The following CDK12 variants were observed in gnomAD, a reference collection of about 807,000 sequenced individuals.
CDK12 encodes the protein cyclin dependent kinase 12, also known as cyclin-dependent kinase 12.
CDK12 carries 17 observed loss-of-function variants against 133.8 expected under a neutral mutation model. The ratio of observed to expected loss-of-function variants is 0.13; its 90% CI spans 0.09 to 0.19. The LOEUF (loss-of-function observed/expected upper bound fraction) is 0.19. Ranked by LOEUF, CDK12 falls within the 10% of genes least tolerant of loss-of-function variation. CDK12 has a pLI of 1.00. For synonymous variants in CDK12, 694 were observed against 683.6 expected (o/e 1.02, Z -0.24); for missense variants, 1,508 against 1,818.7 (o/e 0.83, Z 3.11).
chr17:39,542,249 C>T (rs1018571361), intron 1 of CDK12, among the ~76,000 whole-genome samples: 8 of 151,606 alleles, frequency 5.3e-5, no homozygotes, highest in Non-Finnish European at 1.0e-4. Context: ...TGCAATGGCG[C>T]GATCTCGGCT....
intron 1 of CDK12, among the ~76,000 whole-genome samples, chr17:39,470,670 C>T (rs953573288): frequency 1.3e-5 from 2 of 152,136 alleles, no homozygotes; most frequent in African/African-American, 4.8e-5. Context: ...GTTCCAGGAT[C>T]TTACTCATTA....
At chr17:39,542,466 C>T (rs527365415) in intron 1 of CDK12, among the ~76,000 whole-genome samples, 152 of 152,138 alleles carry the variant, frequency 1.0e-3, no homozygotes, top group African/African-American at 3.6e-3. Context: ...GCTGGGATTA[C>T]AGGCGTGAGC....
intron 6 of CDK12, among the ~76,000 whole-genome samples, chr17:39,502,366 G>T (rs567703913): frequency 6.6e-6 from 1 of 151,600 alleles, no homozygotes; most frequent in South Asian, 2.1e-4. Context: ...TGTTAGCCAG[G>T]ATGGTCTCTA....
At chr17:39,503,004 AGGAG>A (rs2052833791) in intron 6 of CDK12, among the ~76,000 whole-genome samples, 1 of 152,186 alleles carries the variant, frequency 6.6e-6, no homozygotes, top group Non-Finnish European at 1.5e-5. Flanking sequence ...ACTTGAACCC[AGGAG>A]GTAGAGGTTA....
chr17:39,538,937 A>G (rs1363079708), downstream of CDK12, among the ~76,000 whole-genome samples: 1 of 152,042 alleles, frequency 6.6e-6, no homozygotes, highest in South Asian at 2.1e-4. Flanking sequence ...ACATACATAC[A>G]TACATACATA....
At chr17:39,538,308 C>A (rs1360747215), downstream of CDK12, among the ~76,000 whole-genome samples, 1 of 152,170 alleles carries the variant, frequency 6.6e-6, no homozygotes, top group Non-Finnish European at 1.5e-5. Flanking sequence ...ATTCCTCTGC[C>A]ACTCATTTTA....
chr17:39,553,210 C>T (rs2056024035), intron 2 of CDK12, among the ~76,000 whole-genome samples: 1 of 152,126 alleles, frequency 6.6e-6, no homozygotes, highest in Non-Finnish European at 1.5e-5. Flanking sequence ...CCTCCTTCTC[C>T]CCTAAATTTT....
intron 2 of CDK12, among the ~76,000 whole-genome samples, chr17:39,485,408 CTTTTTTTT>C (rs35318849): frequency 0.017 from 1,181 of 69,914 alleles, 26 homozygotes; most frequent in African/African-American, 0.058. Flanking sequence ...CATCCCCCCC[CTTTTTTTT>C]TTTTTTTTTT....
At chr17:39,466,953 A>G (rs1346193188) in intron 1 of CDK12, among the ~76,000 whole-genome samples, 2 of 151,946 alleles carry the variant, frequency 1.3e-5, no homozygotes, top group African/African-American at 2.4e-5. Context: ...AGTCAAAATG[A>G]AATAAGCAAC....
At chr17:39,559,355 A>G (rs1307812294) in intron 3 of CDK12, among the ~76,000 whole-genome samples, 14 of 152,182 alleles carry the variant, frequency 9.2e-5, no homozygotes, top group Non-Finnish European at 1.8e-4. Flanking sequence ...TCTCATATGT[A>G]TATATATTAA....
In CDK12 at chr17:39,476,711, C is replaced by CATTTTTTTTTTTTTTTTTTTTTTTT. The variant is rs1555553398; in HGVS notation, c.1931+4948_1931+4949insATTTTTTTTTTTTTTTTTTTTTTTT. ...TACAGGCATGAGCCACCATGCCTGC[C>CATTTTTTTTTTTTTTTTTTTTTTTT]TTTTTTTTTTTTTTTTTTTTTTTTT... On this transcript the variant is annotated intron_variant, in intron 2 of 13. Transcript: ENST00000447079. Among the ~76,000 whole-genome samples the CATTTTTTTTTTTTTTTTTTTTTTTT allele has an allele frequency of 2.5e-4, 21 of 84,520 alleles. 7 individuals carry two copies. The highest frequency in any genetic ancestry group is 6.5e-4 in the Admixed American group (4 of 6,116). The allele number at this position is 84,520 out of a possible 152,430, so 55.4% of individuals were successfully genotyped here.
intron 3 of CDK12, among the ~76,000 whole-genome samples, chr17:39,557,721 T>C (rs2056213108): frequency 6.6e-6 from 1 of 152,220 alleles, no homozygotes; most frequent in Non-Finnish European, 1.5e-5. Flanking sequence ...GCACAGTTAC[T>C]TTTCCAGGCC....
chr17:39,522,197 C>T (rs1245709284), intron 11 of CDK12, among the ~76,000 whole-genome samples: 1 of 151,952 alleles, frequency 6.6e-6, no homozygotes, highest in Admixed American at 6.6e-5. Flanking sequence ...ACAAGCGTTT[C>T]CTGCCTCAGC....
intron 1 of CDK12, among the ~76,000 whole-genome samples, chr17:39,469,846 AG>A (rs1252047887): frequency 2.0e-5 from 3 of 151,978 alleles, no homozygotes; most frequent in Non-Finnish European, 4.4e-5. Flanking sequence ...CATGTTGGTC[AG>A]GCTAGTCTCG....
chr17:39,464,179 A>G (rs558577525), intron 1 of CDK12, among the ~76,000 whole-genome samples: 1 of 152,074 alleles, frequency 6.6e-6, no homozygotes, highest in African/African-American at 2.4e-5. Context: ...GATGTTGAAC[A>G]CTGGTAGAGA....
rs953878765 is a variant in CDK12 at position 39,531,868 on chromosome 17, C to T, written c.*552C>T. ...GCTGATTTGAATAAATGTTTCTTTC[C>T]TCTCCACCATCTCACATTTTGCTTT... On this transcript the variant is annotated 3_prime_UTR_variant, in exon 14 of 14. Transcript: ENST00000447079. The T allele has an allele frequency of 4.3e-6, 1 of 233,800 alleles. No homozygotes were observed. The highest frequency in any genetic ancestry group is 2.2e-5 in the African/African-American group (1 of 45,304). 14.5% of individuals were successfully genotyped at this position (233,800 alleles called of 1,614,324 possible). A position where few individuals can be genotyped will look rare whatever the true frequency, so the allele number is the denominator to read the frequency against.
chr17:39,505,097 C>T lies in CDK12; in HGVS notation c.2609+3658C>T, dbSNP rs868345453. Among the ~76,000 whole-genome samples the T allele has an allele frequency of 3.8e-4, 57 of 150,616 alleles. 1 individual carries two copies. The highest frequency in any genetic ancestry group is 1.2e-3 in the African/African-American group (50 of 40,878). On this transcript the variant is annotated intron_variant, in intron 6 of 13. Transcript: ENST00000447079. ...ACAAAAAATTAGCTGGGCATGGTGG[C>T]GCATGCCTGTAATCCCAGCTACTTG...
intron 2 of CDK12, among the ~76,000 whole-genome samples, 155 bp from the exon 3 acceptor site, chr17:39,490,397 AGTTGT>A (rs1432819651): frequency 3.9e-5 from 6 of 151,958 alleles, no homozygotes; most frequent in Non-Finnish European, 8.8e-5. Flanking sequence ...AAGTATCTTT[AGTTGT>A]GATTAATTAT....
chr17:39,462,266 A>G lies in CDK12; in HGVS notation c.195A>G (p.Thr65=), dbSNP rs1048293300. ...CCCCCGAAGCAGCATCCCTGGGCAC[A>G]GTTATCAAACCTTTGGTGGAGTATG... ...LVTPEAASLG[T]VIKPLVEYDD... is the part of the protein sequence containing the mutation. Residue 65 remains threonine, a synonymous_variant, in exon 1 of 14, where the codon ACA becomes ACG. Transcript: ENST00000447079. The G allele has an allele frequency of 6.2e-6, 10 of 1,614,110 alleles. No homozygotes were observed. The highest frequency in any genetic ancestry group is 1.6e-4 in the Middle Eastern group (1 of 6,084).
Sources: allele counts gnomAD v4.1 joint callset (sites outside exome capture counted in the v4.1 genomes callset), GRCh38; gene constraint gnomAD v4.1.1; transcripts MANE v1.5; gene names NCBI Gene and HGNC (gene_info 2026-07-23, HGNC 2026-07-21).